The following ELMO1 variants were observed in gnomAD, a reference collection of about 807,000 sequenced individuals.
The protein encoded by ELMO1 is engulfment and cell motility protein 1.
ELMO1 carries 26 observed loss-of-function variants against 98.9 expected under a neutral mutation model. The ratio of observed to expected loss-of-function variants is 0.26; its 90% confidence interval spans 0.19 to 0.36. ELMO1 has a LOEUF of 0.36. Ranked by LOEUF, ELMO1 falls within the 10% of genes least tolerant of loss-of-function variation. The pLI is 1.00. For synonymous variants in ELMO1, 346 were observed against 346.0 expected (o/e 1.00, Z 0.00); for missense variants, 627 against 935.2 (o/e 0.67, Z 4.30).
At chr7:37,132,888 T>C in intron 14 of ELMO1, 1 of 306,064 alleles carries the variant, frequency 3.3e-6, no homozygotes, top group Non-Finnish European at 6.0e-6. Context: ...CTATATGAAA[T>C]GTTTTCCTAG....
chr7:37,420,319 T>A (rs369523975), intron 1 of ELMO1, among the ~76,000 whole-genome samples: 1 of 152,222 alleles, frequency 6.6e-6, no homozygotes, highest in Non-Finnish European at 1.5e-5. Context: ...TACTTGGACA[T>A]TAGGAGCAGA....
chr7:37,099,298 G>T (rs907418983), intron 14 of ELMO1, among the ~76,000 whole-genome samples: 1 of 152,194 alleles, frequency 6.6e-6, no homozygotes, highest in Non-Finnish European at 1.5e-5. Flanking sequence ...TTGTAGAAAA[G>T]ATTACAATTA....
intron 4 of ELMO1, among the ~76,000 whole-genome samples, chr7:37,292,580 G>A (rs1583473101): frequency 8.9e-6 from 1 of 111,812 alleles, no homozygotes; most frequent in Non-Finnish European, 2.1e-5. Flanking sequence ...CTGAGATGTG[G>A]GGAGCACCTC....
intron 16 of ELMO1, among the ~76,000 whole-genome samples, chr7:36,966,593 TAAATGATTTGAGG>T (rs1288297450): frequency 2.6e-5 from 4 of 152,262 alleles, no homozygotes; most frequent in Non-Finnish European, 4.4e-5. Context: ...GTGTAAGTGA[TAAATGATTTGAGG>T]AATGTGTTGA....
intron 19 of ELMO1, among the ~76,000 whole-genome samples, chr7:36,873,679 C>G (rs965725103): frequency 6.6e-6 from 1 of 152,234 alleles, no homozygotes; most frequent in African/African-American, 2.4e-5. Context: ...TGATTTCTCC[C>G]TTTGTAAGGG....
At chr7:36,991,402 G>A (rs1462249494) in intron 16 of ELMO1, among the ~76,000 whole-genome samples, 2 of 152,226 alleles carry the variant, frequency 1.3e-5, no homozygotes, top group Non-Finnish European at 2.9e-5. Context: ...GGTCAGAGGT[G>A]TAGCCACTAC....
At chr7:37,166,527 G>A (rs915333588) in intron 13 of ELMO1, among the ~76,000 whole-genome samples, 1 of 151,892 alleles carries the variant, frequency 6.6e-6, no homozygotes, top group Non-Finnish European at 1.5e-5. Flanking sequence ...CAGAGATTCT[G>A]GTATGTTGTG....
chr7:37,124,129 G>A (rs1007478844), intron 14 of ELMO1, among the ~76,000 whole-genome samples: 2 of 152,074 alleles, frequency 1.3e-5, no homozygotes, highest in Non-Finnish European at 2.9e-5. Context: ...TTGATGGGAC[G>A]TATCTTAAAA....
At chr7:37,397,565 T>G (rs1803350568) in intron 1 of ELMO1, among the ~76,000 whole-genome samples, 1 of 152,232 alleles carries the variant, frequency 6.6e-6, no homozygotes, top group African/African-American at 2.4e-5. Flanking sequence ...TCTGTGCACC[T>G]CAGTTTCCTC....
chr7:37,208,971 C>T (rs1158482496), intron 13 of ELMO1, among the ~76,000 whole-genome samples: 3 of 151,644 alleles, frequency 2.0e-5, no homozygotes, highest in Non-Finnish European at 2.9e-5. Flanking sequence ...TCCTCATAAG[C>T]GCTAAAGGCC....
chr7:37,085,646 A>G (rs1783725905), intron 15 of ELMO1, among the ~76,000 whole-genome samples: 3 of 150,406 alleles, frequency 2.0e-5, no homozygotes, highest in South Asian at 2.1e-4. Flanking sequence ...ACTGCTTTGG[A>G]AAAAAAAAAT....
At chr7:37,117,376 G>A (rs1785671083) in intron 14 of ELMO1, among the ~76,000 whole-genome samples, 1 of 152,106 alleles carries the variant, frequency 6.6e-6, no homozygotes, top group South Asian at 2.1e-4. Flanking sequence ...GTGAGCATCC[G>A]AGGTGGTGTG....
intron 16 of ELMO1, among the ~76,000 whole-genome samples, chr7:36,940,999 T>C (rs1391893239): frequency 6.6e-6 from 1 of 152,236 alleles, no homozygotes. Flanking sequence ...AGAAGGTTCA[T>C]GAAGGAGATA....
chr7:37,376,588 A>C (rs1249940972), intron 1 of ELMO1, among the ~76,000 whole-genome samples: 2 of 152,040 alleles, frequency 1.3e-5, no homozygotes, highest in African/African-American at 2.4e-5. Flanking sequence ...TGTAACCCCC[A>C]CCCAGAAACT....
At chr7:37,114,364 AG>A (rs1461340437) in intron 14 of ELMO1, among the ~76,000 whole-genome samples, 1 of 152,214 alleles carries the variant, frequency 6.6e-6, no homozygotes, top group Non-Finnish European at 1.5e-5. Flanking sequence ...GTTTCTGGAA[AG>A]CAGAGTCAAT....
chr7:37,045,448 T>A (rs17170849), intron 15 of ELMO1, among the ~76,000 whole-genome samples: 2 of 152,196 alleles, frequency 1.3e-5, no homozygotes, highest in African/African-American at 4.8e-5. Context: ...CCAGAACTTA[T>A]ATGGCATGTT....
chr7:37,337,013 G>A (rs2131230474), intron 2 of ELMO1, among the ~76,000 whole-genome samples: 1 of 152,180 alleles, frequency 6.6e-6, no homozygotes, highest in East Asian at 1.9e-4. Context: ...TAGAAAGGAT[G>A]GGCTAATATC....
intron 15 of ELMO1, among the ~76,000 whole-genome samples, chr7:37,076,608 G>C (rs1420776817): frequency 1.3e-5 from 2 of 152,174 alleles, no homozygotes; most frequent in Admixed American, 1.3e-4. Flanking sequence ...AGTGTTATTG[G>C]CTATGATTCT....
chr7:37,117,832 C>T (rs991267341), intron 14 of ELMO1, among the ~76,000 whole-genome samples: 1 of 152,096 alleles, frequency 6.6e-6, no homozygotes, highest in Non-Finnish European at 1.5e-5. Flanking sequence ...CCTTTGGGGT[C>T]CTTGTTATTC....
Sources: gnomAD v4.1 joint callset for allele counts (sites outside exome capture counted in the v4.1 genomes callset) on GRCh38, gnomAD v4.1.1 for gene constraint, MANE v1.5 for transcripts, NCBI Gene and HGNC (gene_info 2026-07-23, HGNC 2026-07-21) for gene names.